LEP: variants seen among roughly 807,000 people sequenced by gnomAD.
LEP encodes leptin.
In LEP, 6 loss-of-function variants were observed where a neutral mutation model predicts 9.8. That is an observed-to-expected ratio of 0.61 (90% CI 0.34 to 1.21). The LOEUF is 1.21. Ranked by LOEUF, LEP falls within the 50% of genes most tolerant of loss-of-function variation. LEP has a pLI of 0.04. For missense variants in LEP, 134 were observed against 198.1 expected (o/e 0.68, Z 1.94); for synonymous variants, 112 against 81.7 (o/e 1.37, Z -2.00).
intron 1 of LEP, among the ~76,000 whole-genome samples, chr7:128,250,145 A>T (rs1454936227): frequency 6.6e-6 from 1 of 152,202 alleles, no homozygotes; most frequent in Admixed American, 6.5e-5. Flanking sequence ...GGAGCCGCAG[A>T]GCCTAATCAC....
chr7:128,246,846 A>G (rs1016020026), intron 1 of LEP, among the ~76,000 whole-genome samples: 3 of 152,086 alleles, frequency 2.0e-5, no homozygotes, highest in African/African-American at 7.2e-5. Flanking sequence ...GGATGAGGGT[A>G]GAAGATGGGG....
At chr7:128,253,066 G>C (rs973361391) in intron 2 of LEP, among the ~76,000 whole-genome samples, 3 of 151,990 alleles carry the variant, frequency 2.0e-5, no homozygotes, top group Non-Finnish European at 1.5e-5. Flanking sequence ...TTCTGCGCTC[G>C]CCTTCCTCCC....
intron 2 of LEP, among the ~76,000 whole-genome samples, chr7:128,253,559 G>T (rs917105894): frequency 6.6e-6 from 1 of 152,174 alleles, no homozygotes; most frequent in Non-Finnish European, 1.5e-5. Context: ...TAAAGCAATT[G>T]AATCCTCCTT....
chr7:128,250,736 C>A (rs1377205445), intron 1 of LEP, among the ~76,000 whole-genome samples: 2 of 152,282 alleles, frequency 1.3e-5, no homozygotes, highest in East Asian at 3.9e-4. Flanking sequence ...CTGTCTTCAT[C>A]AAGACCCAGA....
At chr7:128,244,750 T>C in intron 1 of LEP, among the ~76,000 whole-genome samples, 1 of 152,192 alleles carries the variant, frequency 6.6e-6, no homozygotes, top group East Asian at 1.9e-4. Context: ...GACCATACTC[T>C]GGCTCAGTGG....
chr7:128,249,045 C>A (rs2116215887), intron 1 of LEP, among the ~76,000 whole-genome samples: 1 of 152,214 alleles, frequency 6.6e-6, no homozygotes, highest in East Asian at 1.9e-4. Context: ...ATTATTCCTC[C>A]TCTCCTCATC....
intron 2 of LEP, among the ~76,000 whole-genome samples, chr7:128,253,156 A>G (rs1795295331): frequency 6.6e-6 from 1 of 151,888 alleles, no homozygotes; most frequent in African/African-American, 2.4e-5. Flanking sequence ...CAGGAACAAG[A>G]CCCCCAGAAG....
intron 1 of LEP, among the ~76,000 whole-genome samples, chr7:128,247,412 T>C (rs1795224063): frequency 6.6e-6 from 1 of 152,122 alleles, no homozygotes; most frequent in Admixed American, 6.5e-5. Context: ...TCCATCTCCA[T>C]CCTTCTAGTC....
intron 1 of LEP, among the ~76,000 whole-genome samples, chr7:128,248,125 T>C (rs886578639): frequency 6.6e-6 from 1 of 152,106 alleles, no homozygotes; most frequent in African/African-American, 2.4e-5. Flanking sequence ...AAACCCCATC[T>C]CTACTAAAAA....
intron 1 of LEP, among the ~76,000 whole-genome samples, chr7:128,246,461 T>G (rs1340167449): frequency 6.6e-6 from 1 of 152,102 alleles, no homozygotes; most frequent in Non-Finnish European, 1.5e-5. Flanking sequence ...CTTTTTTGGC[T>G]TTTGTTTTTA....
chr7:128,243,346 G>A (rs1330826407), intron 1 of LEP, among the ~76,000 whole-genome samples: 1 of 152,184 alleles, frequency 6.6e-6, no homozygotes. Context: ...CATTACATTT[G>A]CTCTGGGGTG....
chr7:128,254,804 GA>G lies in LEP; in HGVS notation c.*43del. ...TCTTCCTGCAAGGACTACGTTAAGGGAAGGAACTCTGGCTTCCAGGTATCTC... is the reference window on the plus strand; with the variant it reads ...TCTTCCTGCAAGGACTACGTTAAGGGAGGAACTCTGGCTTCCAGGTATCTC... On this transcript the variant is annotated 3_prime_UTR_variant, in exon 3 of 3. Transcript: ENST00000308868. 6.3e-7 allele frequency: 1 copy of G among 1,598,028 alleles called. No homozygotes were observed. The highest frequency in any genetic ancestry group is 1.3e-5 in the African/African-American group (1 of 74,956).
intron 1 of LEP, among the ~76,000 whole-genome samples, chr7:128,241,575 C>G (rs1795152006): frequency 6.6e-6 from 1 of 152,204 alleles, no homozygotes; most frequent in Admixed American, 6.5e-5. Context: ...GACTGTCAGA[C>G]CCACCAACCT....
intron 1 of LEP, among the ~76,000 whole-genome samples, chr7:128,245,846 G>A (rs1309277707): frequency 2.6e-5 from 4 of 151,920 alleles, no homozygotes; most frequent in East Asian, 3.9e-4. Context: ...GGTGGATCAC[G>A]AGGTCAGGAG....
In LEP at chr7:128,252,049, T is replaced by G; in HGVS notation, c.31T>G (p.Trp11Gly). The change falls in exon 2 of 3, where the codon TGG becomes GGG. Residue 11 changes from tryptophan to glycine, a missense_variant. Coordinates refer to ENST00000308868, the MANE Select transcript of LEP (RefSeq NM_000230.3). ...TTGGGGAACCCTGTGCGGATTCTTG[T>G]GGCTTTGGCCCTATCTTTTCTATGT... MHWGTLCGFL[W>G]LWPYLFYVQA... 1 of 1,614,206 alleles carries G rather than the reference T, an allele frequency of 6.2e-7. No homozygotes were observed. The highest frequency in any genetic ancestry group is 8.5e-7 in the Non-Finnish European group (1 of 1,180,028).
chr7:128,247,483 G>C (rs1795225234), intron 1 of LEP, among the ~76,000 whole-genome samples: 1 of 152,142 alleles, frequency 6.6e-6, no homozygotes, highest in Non-Finnish European at 1.5e-5. Context: ...CTCCCTTCCT[G>C]GTGCTCACTG....
chr7:128,254,270 A>G, intron 2 of LEP, 134 bp from the exon 3 acceptor site: 2 of 1,167,808 alleles, frequency 1.7e-6, no homozygotes, highest in South Asian at 2.5e-5. Flanking sequence ...CAAGGGCCTG[A>G]GCCAAAGTGG....
intron 1 of LEP, among the ~76,000 whole-genome samples, chr7:128,246,976 T>C (rs2060713): frequency 0.93 from 141,039 of 152,228 alleles, 65,433 homozygotes; most frequent in East Asian, 1. Flanking sequence ...CAAATGAGCA[T>C]ACAGCCCACT....
intron 1 of LEP, among the ~76,000 whole-genome samples, chr7:128,251,591 G>A (rs1466283648): frequency 6.6e-6 from 1 of 152,188 alleles, no homozygotes; most frequent in Non-Finnish European, 1.5e-5. Context: ...GGATGAAGGT[G>A]GAGTATTTTG....
Sources: allele counts gnomAD v4.1 joint callset (sites outside exome capture counted in the v4.1 genomes callset), GRCh38; gene constraint gnomAD v4.1.1; transcripts MANE v1.5; gene names NCBI Gene and HGNC (gene_info 2026-07-23, HGNC 2026-07-21).